THOC2: variants seen among roughly 807,000 people sequenced by gnomAD.
The protein encoded by THOC2 is THO complex subunit 2, also known as THO complex 2.
THOC2 carries 10 observed loss-of-function variants against 128.4 expected under a neutral mutation model. The ratio of observed to expected loss-of-function variants is 0.08; its 90% CI spans 0.05 to 0.13. The LOEUF (loss-of-function observed/expected upper bound fraction) is 0.13. Among genes scored for constraint, THOC2 ranks in the 10% least tolerant of loss-of-function variants. THOC2 has a pLI of 1.00. For missense variants in THOC2, 535 were observed against 1,155.7 expected (o/e 0.46, Z 7.79); for synonymous variants, 393 against 396.9 (o/e 0.99, Z 0.12).
chrX:123,708,230 T>C (rs1277033783), intron 2 of THOC2, among the ~76,000 whole-genome samples: 3 of 112,420 alleles, frequency 2.7e-5, no homozygotes, highest in Non-Finnish European at 5.6e-5. Context: ...AATTAACTTG[T>C]TCATTAAATC....
intron 1 of THOC2, among the ~76,000 whole-genome samples, chrX:123,720,590 C>T (rs2051646786): frequency 8.9e-6 from 1 of 112,027 alleles, no homozygotes; most frequent in African/African-American, 3.2e-5. Flanking sequence ...AAGTCAGGAT[C>T]GCACAGAGAT....
chrX:123,601,247 A>G lies in THOC2; in HGVS notation c.*110T>C, dbSNP rs771298796. 8.9e-6 allele frequency: 1 copy of G among 112,218 alleles called. No individual in the cohort carries two copies. Among genetic ancestry groups the G allele is most frequent in the African/African-American group, 3.2e-5 (1 of 30,852 alleles). The allele number at this position is 112,218 out of a possible 1,213,427, so 9.2% of individuals were successfully genotyped here. On this transcript the variant is annotated 3_prime_UTR_variant, in exon 39 of 39. Coordinates refer to ENST00000245838, the MANE Select transcript of THOC2 (RefSeq NM_001081550.2). ...GCAGGTAACTGAATAATTTAAGGAGATGCAAATGGCCCTCTTCATTCTTAA... is the reference window on the plus strand; with the variant it reads ...GCAGGTAACTGAATAATTTAAGGAGGTGCAAATGGCCCTCTTCATTCTTAA...
At chrX:123,729,965 G>A (rs1003453381) in intron 1 of THOC2, among the ~76,000 whole-genome samples, 5 of 111,804 alleles carry the variant, frequency 4.5e-5, no homozygotes, top group South Asian at 3.7e-4. Context: ...ACTAAGTACT[G>A]GATGGTGATG....
chrX:123,724,770 T>G (rs1425416859), intron 1 of THOC2, among the ~76,000 whole-genome samples: 1 of 111,846 alleles, frequency 8.9e-6, no homozygotes, highest in East Asian at 2.8e-4. Context: ...CCAGGCATAG[T>G]AGCTCACGTC....
At chrX:123,703,315 C>T in intron 4 of THOC2, 139 bp downstream of exon 4, 1 of 384,282 alleles carries the variant, frequency 2.6e-6, no homozygotes. Context: ...ACTTATATTG[C>T]TATATTCTCT....
In THOC2 at chrX:123,696,384, ATT is replaced by A. The variant is rs758905298; in HGVS notation, c.468-232_468-231del. Among the ~76,000 whole-genome samples, 109 of 111,661 alleles carry A rather than the reference ATT, an allele frequency of 9.8e-4. 2 individuals are homozygous for A. The highest frequency in any genetic ancestry group is 3.3e-3 in the African/African-American group (103 of 30,856). ...AAAACCAGTAACACAAGAAAAGGAT[ATT>A]GTTAATATCAGGGAACAATAACATA... On this transcript the variant is annotated intron_variant, in intron 6 of 38. Transcript: ENST00000245838.
rs745502483 is a variant in THOC2, at chrX:123,638,769, TACACACACAC to T, written c.1840+155_1840+164del. Among the ~76,000 whole-genome samples the T allele has an allele frequency of 3.1e-3, 287 of 93,595 alleles. 1 individual carries two copies. The highest frequency in any genetic ancestry group is 0.011 in the Middle Eastern group (2 of 181). 81.3% of individuals were successfully genotyped at this position (93,595 alleles called of 115,157 possible). On this transcript the variant is annotated intron_variant, in intron 17 of 38. Transcript: ENST00000245838. ...ACACACACTCTCTCTCTCTCTCACATACACACACACACACACACACACACACAATTGACTG... is the reference window on the plus strand; with the variant it reads ...ACACACACTCTCTCTCTCTCTCACATACACACACACACACACAATTGACTG...
At position 123,670,514 on chromosome X, in the gene THOC2, G is replaced by A. The variant is rs2049231682; in HGVS notation, c.861+1155C>T. Among the ~76,000 whole-genome samples, 6 of 112,741 alleles carry A rather than the reference G, an allele frequency of 5.3e-5. No individual in the cohort carries two copies. In the South Asian group the frequency reaches 1.1e-3, roughly 21 times the overall value. ...TGCGCCTGTAATCCCAGCTACTTGG[G>A]AGGCTGAGGCAGGAGAATCACTTGA... On this transcript the variant is annotated intron_variant, in intron 9 of 38. Coordinates refer to ENST00000245838, the MANE Select transcript of THOC2 (RefSeq NM_001081550.2).
intron 19 of THOC2, among the ~76,000 whole-genome samples, chrX:123,635,706 C>A (rs1456261669): frequency 8.9e-6 from 1 of 111,753 alleles, no homozygotes; most frequent in Non-Finnish European, 1.9e-5. Flanking sequence ...CAAGTTCCTA[C>A]CAGATGTTCA....
chrX:123,657,097 T>C (rs1398183150), intron 12 of THOC2, among the ~76,000 whole-genome samples: 1 of 111,356 alleles, frequency 9.0e-6, no homozygotes, highest in Non-Finnish European at 1.9e-5. Flanking sequence ...AAAAACACTG[T>C]AACAGAATGA....
intron 12 of THOC2, among the ~76,000 whole-genome samples, chrX:123,650,627 T>C (rs1473969838): frequency 9.1e-6 from 1 of 110,335 alleles, no homozygotes; most frequent in East Asian, 2.9e-4. Context: ...ACCAAGCAAA[T>C]AGAAAGCAAA....
intron 3 of THOC2, among the ~76,000 whole-genome samples, chrX:123,706,378 T>A (rs889980549): frequency 9.0e-6 from 1 of 111,719 alleles, no homozygotes; most frequent in African/African-American, 3.2e-5. Context: ...TTCTTCTTTT[T>A]TTTTAATTAT....
intron 1 of THOC2, among the ~76,000 whole-genome samples, chrX:123,724,920 CA>C (rs1420864621): frequency 9.1e-6 from 1 of 109,965 alleles, no homozygotes; most frequent in Non-Finnish European, 1.9e-5. Context: ...CTACCAAAAA[CA>C]CAAACAATTA....
At chrX:123,683,577 T>G (rs1442814121) in intron 8 of THOC2, among the ~76,000 whole-genome samples, 8 of 109,887 alleles carry the variant, frequency 7.3e-5, no homozygotes, top group Non-Finnish European at 5.7e-5. Context: ...CCCTTAAAAC[T>G]GCAGATTCTC....
At position 123,638,064 on chromosome X, in the gene THOC2, T is replaced by C; in HGVS notation, c.1900A>G (p.Thr634Ala). Residue 634 changes from threonine to alanine, a missense_variant, in exon 18 of 39, where the codon ACC becomes GCC. Thr to Ala is a moderately conservative substitution (Grantham distance 58, BLOSUM62 0). Transcript: ENST00000245838. ...EKERMKHDDT[T>A]ISSWLQSLAS... ...TTACTCTGAAGCCAGCTTGAGATGG[T>C]TGTGTCATCATGTTTCATTCTTTCC... 8.3e-7 allele frequency: 1 copy of C among 1,200,067 alleles called. No homozygotes were observed. Among genetic ancestry groups the C allele is most frequent in the Non-Finnish European group, 1.1e-6 (1 of 887,538 alleles).
rs201788324 is a variant in THOC2, at chrX:123,632,978, T to G, written c.2199A>C (p.Leu733=). 1 of 1,209,943 alleles carries G rather than the reference T, an allele frequency of 8.3e-7. No individual in the cohort carries two copies. Among genetic ancestry groups the G allele is most frequent in the Non-Finnish European group, 1.1e-6 (1 of 893,948 alleles). ...GAGGAAGGGCAAGATCATGGTCCAA[T>G]AGAGCATCCTTTAATCTCTGAGAGG... ...KKSSQRLKDA[L]LDHDLALPLC... The change falls in exon 21 of 39, where the codon CTA becomes CTC. Residue 733 remains leucine, a synonymous_variant. Coordinates refer to ENST00000245838, the MANE Select transcript of THOC2 (RefSeq NM_001081550.2).
At chrX:123,697,355 G>A (rs771723652) in intron 5 of THOC2, among the ~76,000 whole-genome samples, 9 of 112,123 alleles carry the variant, frequency 8.0e-5, no homozygotes, top group African/African-American at 2.6e-4. Context: ...AACAGTTTAT[G>A]AGGAAAAAAA....
At chrX:123,625,291 G>A (rs2047226806) in intron 25 of THOC2, among the ~76,000 whole-genome samples, 1 of 110,275 alleles carries the variant, frequency 9.1e-6, no homozygotes, top group East Asian at 2.8e-4. Context: ...GTAGAGACGG[G>A]GTTTCACCAT....
chrX:123,677,871 C>CAA (rs1179685021), intron 8 of THOC2, among the ~76,000 whole-genome samples: 8 of 29,332 alleles, frequency 2.7e-4, no homozygotes, highest in African/African-American at 3.7e-4. Flanking sequence ...AACTCCGTCG[C>CAA]AAAAAAAAAA....
Sources: allele counts gnomAD v4.1 joint callset (sites outside exome capture counted in the v4.1 genomes callset), GRCh38; gene constraint gnomAD v4.1.1; transcripts MANE v1.5; gene names NCBI Gene and HGNC (gene_info 2026-07-23, HGNC 2026-07-21).